Variants in ANKMY1 observed in about 807,000 individuals in gnomAD.
ANKMY1 encodes the protein ankyrin repeat and MYND domain containing 1, also known as ankyrin repeat and MYND domain-containing protein 1.
Under a neutral mutation model 102.0 loss-of-function variants are expected in ANKMY1, and 98 were observed. The observed-to-expected ratio is 0.96, with a 90% CI of 0.82 to 1.14. The LOEUF (loss-of-function observed/expected upper bound fraction) is 1.14. ANKMY1 is among the 50% of genes most tolerant of loss of function. The probability of loss-of-function intolerance (pLI) is 0.00; values close to 1 mark genes in which losing one functional copy is unlikely to be tolerated. For synonymous variants in ANKMY1, 582 were observed against 559.9 expected, an observed-to-expected ratio of 1.04 and a Z score of -0.56; for missense variants, 1,330 against 1,347.6, an observed-to-expected ratio of 0.99 and a Z score of 0.20.
At chr2:240,526,910 A>C in intron 5 of ANKMY1, 1 of 1,125,820 alleles carries the variant, frequency 8.9e-7, no homozygotes, top group Non-Finnish European at 1.1e-6. Context: ...CACAACACTG[A>C]TGCCTCCTGG....
intron 14 of ANKMY1, 148 bp from the exon 15 acceptor site, chr2:240,500,271 A>G (rs929825945): frequency 1.7e-6 from 2 of 1,210,860 alleles, no homozygotes; most frequent in Admixed American, 5.3e-5. Context: ...GAGCACATAC[A>G]GCTGCACCTG....
At chr2:240,539,018 G>C (rs183245500) in intron 4 of ANKMY1, among the ~76,000 whole-genome samples, 28 of 152,272 alleles carry the variant, frequency 1.8e-4, no homozygotes, top group Non-Finnish European at 2.6e-4. Context: ...AAAATGGACC[G>C]ATCAGCTCTC....
At chr2:240,473,102 C>T in the ANKMY1 span, among the ~76,000 whole-genome samples, 3 of 132,522 alleles carry the variant, frequency 2.3e-5, no homozygotes, top group South Asian at 2.4e-4. Flanking sequence ...CCAGCCTGGG[C>T]GACAAGAGTG....
Position 240,525,845 on chromosome 2 carries a change from T to G in ANKMY1, c.1175A>C (p.His392Pro), listed in dbSNP as rs80059958. The change falls in exon 7 of 18, where the codon CAC becomes CCC. Residue 392 changes from histidine to proline, a missense_variant. Coordinates refer to ENST00000401804, the MANE Select transcript of ANKMY1 (RefSeq NM_001282771.3). ...GYTVLAAAAT[H>P]CHNDIVNLLL... ...AAGGTTGACAATGTCGTTGTGGCAG[T>G]GAGTCTGGAGGGAGATGAGGCAGGA... 2.5e-6 allele frequency: 4 copies of G among 1,613,744 alleles called. No individual in the cohort carries two copies. In the African/African-American group the frequency reaches 4.0e-5, roughly 16 times the overall value.
downstream of ANKMY1, among the ~76,000 whole-genome samples, chr2:240,477,053 T>A (rs930501520): frequency 6.6e-6 from 1 of 152,216 alleles, no homozygotes; most frequent in Admixed American, 6.5e-5. Flanking sequence ...GCGCAGTGGC[T>A]CACGCCTGTA....
chr2:240,524,272 A>G lies in ANKMY1; in HGVS notation c.1445T>C (p.Leu482Pro), dbSNP rs1324566935. The G allele has an allele frequency of 1.9e-6, 3 of 1,613,740 alleles. No homozygotes were observed. The highest frequency in any genetic ancestry group is 1.3e-5 in the African/African-American group (1 of 74,920). ...GAGCAGTGGTGCTGGCGGTGGCCTC[A>G]GCTCATAGCTACCCTGGGAAGGCAC... ...VNVPSQGSYE[L>P]RPPPAPLLLP... is the part of the protein sequence containing the mutation. The change falls in exon 8 of 18, where the codon CTG becomes CCG. Residue 482 changes from leucine to proline, a missense_variant. Physicochemically the swap from Leu to Pro is moderately conservative, Grantham distance 98. Transcript: ENST00000401804.
At chr2:240,516,606 T>C (rs1055741231) in intron 9 of ANKMY1, among the ~76,000 whole-genome samples, 1 of 152,244 alleles carries the variant, frequency 6.6e-6, no homozygotes, top group Non-Finnish European at 1.5e-5. Context: ...ACTATGGCTG[T>C]CCTAAAACTT....
chr2:240,547,962 G>A (rs1158480409), intron 4 of ANKMY1, among the ~76,000 whole-genome samples: 1 of 152,178 alleles, frequency 6.6e-6, no homozygotes, highest in Non-Finnish European at 1.5e-5. Flanking sequence ...CATTCCTTCT[G>A]AAGCTATTCG....
rs55676971 is a variant in ANKMY1 at position 240,557,218 on chromosome 2, G to A, written c.118C>T (p.Leu40=). Residue 40 remains leucine, a synonymous_variant, in exon 2 of 18, where the codon CTG becomes TTG. Coordinates refer to ENST00000401804, the MANE Select transcript of ANKMY1 (RefSeq NM_001282771.3). The stretch of plus-strand genomic sequence containing the variant: ...GTGGCGAAGACAGCGTAGTTCTTCA[G>A]GGACCCCGGCTCCTCGGCAGCAGGG... ...ETPAAEEPGS[L]KNYAVFATRD... The A allele has an allele frequency of 1.3e-6, 2 of 1,575,708 alleles. No individual in the cohort carries two copies. The highest frequency in any genetic ancestry group is 1.7e-6 in the Non-Finnish European group (2 of 1,159,556).
At chr2:240,518,132 T>C (rs1359443965) in intron 9 of ANKMY1, among the ~76,000 whole-genome samples, 2 of 152,152 alleles carry the variant, frequency 1.3e-5, no homozygotes, top group Non-Finnish European at 2.9e-5. Context: ...AATTGTCCCA[T>C]AGAACTGATG....
At chr2:240,498,168 AG>A (rs2077515402) in intron 15 of ANKMY1, among the ~76,000 whole-genome samples, 1 of 148,454 alleles carries the variant, frequency 6.7e-6, no homozygotes, top group African/African-American at 2.5e-5. Context: ...TGTCGAGGGG[AG>A]GTTAGTATGT....
intron 9 of ANKMY1, among the ~76,000 whole-genome samples, chr2:240,517,071 C>T (rs2081335140): frequency 6.6e-6 from 1 of 152,180 alleles, no homozygotes. Flanking sequence ...GGAAACTATG[C>T]AAATATTTTT....
At chr2:240,482,159 A>G in intron 16 of ANKMY1, 24 bp downstream of exon 16, 1 of 1,610,396 alleles carries the variant, frequency 6.2e-7, no homozygotes. Context: ...TCCTGGAAAG[A>G]ACCCAGCCTG....
At chr2:240,495,158 C>A (rs1043769481) in intron 15 of ANKMY1, among the ~76,000 whole-genome samples, 2 of 152,154 alleles carry the variant, frequency 1.3e-5, no homozygotes, top group Admixed American at 6.5e-5. Flanking sequence ...ACACCAGTGT[C>A]TGGGAAGACG....
Position 240,512,888 on chromosome 2 carries a change from C to A in ANKMY1, c.2059G>T (p.Val687Leu), listed in dbSNP as rs201726902. The A allele has an allele frequency of 4.3e-5, 69 of 1,613,928 alleles. No individual in the cohort carries two copies. The highest frequency in any genetic ancestry group is 9.3e-5 in the African/African-American group (7 of 75,058). Residue 687 changes from valine (V) to leucine (L), a missense_variant, in exon 10 of 18, where the codon GTA becomes TTA. Val to Leu is a conservative substitution (Grantham distance 32, BLOSUM62 1). Transcript: ENST00000401804. ...IAAALPGEEG[V>L]QIVELLLHAI... ...TGCAACAGCAGCTCCACAATCTGTACCCCCTCCTCCCCAGGAAGGGCGGCA... is the reference window on the plus strand; with the variant it reads ...TGCAACAGCAGCTCCACAATCTGTAACCCCTCCTCCCCAGGAAGGGCGGCA...
chr2:240,506,699 A>C lies in ANKMY1; in HGVS notation c.2526+861T>G, dbSNP rs1326950178. ...TTCTCCCTCAGACAGGTAAGAACCA[A>C]AGTGTGTACCAAGATGGATTGAGGA... On this transcript the variant is annotated intron_variant, in intron 13 of 17. Transcript: ENST00000401804. The surrounding 1 kb of genome is among the most constrained non-coding windows in gnomAD (Gnocchi z 4.9). Among the ~76,000 whole-genome samples the C allele has an allele frequency of 6.7e-6, 1 of 148,828 alleles. No homozygotes were observed. The highest frequency in any genetic ancestry group is 1.5e-5 in the Non-Finnish European group (1 of 67,260).
intron 15 of ANKMY1, among the ~76,000 whole-genome samples, chr2:240,497,719 T>C (rs1056499059): frequency 1.3e-5 from 2 of 152,210 alleles, no homozygotes; most frequent in South Asian, 4.1e-4. Flanking sequence ...GGCTTGAAAC[T>C]GTCTTTGCTC....
chr2:240,469,766 TCACATGCC>T, the ANKMY1 span, among the ~76,000 whole-genome samples: 3,722 of 151,392 alleles, frequency 0.025, 96 homozygotes, highest in African/African-American at 0.068. Flanking sequence ...ATGCACGTCC[TCACATGCC>T]CACATGCCCA....
intron 13 of ANKMY1, 134 bp from the exon 14 acceptor site, chr2:240,500,699 A>G (rs543616920): frequency 5.5e-4 from 371 of 679,118 alleles, no homozygotes; most frequent in East Asian, 1.7e-3. Flanking sequence ...GGGAATGCCC[A>G]TGAGACAAAC....
Sources: allele counts gnomAD v4.1 joint callset (sites outside exome capture counted in the v4.1 genomes callset), GRCh38; gene constraint gnomAD v4.1.1; non-coding constraint Gnocchi (gnomAD v3.1); transcripts MANE v1.5; gene names NCBI Gene and HGNC (gene_info 2026-07-23, HGNC 2026-07-21).